DKK2: variants seen among roughly 807,000 people sequenced by gnomAD.
DKK2 encodes the protein dickkopf-related protein 2.
In DKK2, 11 loss-of-function variants were observed where a neutral mutation model predicts 28.1. That is an observed-to-expected ratio of 0.39 (90% CI 0.25 to 0.65). DKK2 has a LOEUF of 0.65. DKK2 is among the 30% of genes least tolerant of loss of function. The pLI, the probability that DKK2 is intolerant of heterozygous loss-of-function variation, is 0.47. For synonymous variants in DKK2, 135 were observed against 126.5 expected (o/e 1.07, Z -0.45); for missense variants, 326 against 335.5 (o/e 0.97, Z 0.22).
intron 1 of DKK2, among the ~76,000 whole-genome samples, chr4:107,015,017 A>C (rs529940358): frequency 1.6e-4 from 25 of 151,622 alleles, no homozygotes; most frequent in African/African-American, 5.3e-4. Flanking sequence ...TTGACATGAC[A>C]AGCAGTGGTT....
At chr4:106,950,940 C>A (rs554256953) in intron 1 of DKK2, among the ~76,000 whole-genome samples, 1 of 152,040 alleles carries the variant, frequency 6.6e-6, no homozygotes, top group Non-Finnish European at 1.5e-5. Flanking sequence ...ACCAGCCCCG[C>A]AAGTCTACCA....
intron 1 of DKK2, among the ~76,000 whole-genome samples, chr4:107,019,601 A>G (rs1723662677): frequency 6.6e-6 from 1 of 152,102 alleles, no homozygotes; most frequent in Non-Finnish European, 1.5e-5. Flanking sequence ...ATTGCTAGGA[A>G]TATACTAGAG....
Position 106,976,853 on chromosome 4 carries a change from GTA to G in DKK2, c.223-50906_223-50905del, listed in dbSNP as rs1722953211. On this transcript the variant is annotated intron_variant, in intron 1 of 3. Coordinates refer to ENST00000285311, the MANE Select transcript of DKK2 (RefSeq NM_014421.3). ...AAGGGTCGATGGTCTTTACAATTTGGTATGTTTTTGTAGTGGCTTGTACTGTT... is the reference window on the plus strand; with the variant it reads ...AAGGGTCGATGGTCTTTACAATTTGGTGTTTTTGTAGTGGCTTGTACTGTT... Among the ~76,000 whole-genome samples the G allele has an allele frequency of 4.6e-5, 7 of 152,228 alleles. No individual in the cohort carries two copies. The South Asian group carries it at 1.5e-3, about 32-fold the overall frequency.
At chr4:106,983,365 A>AAAGAAAGAAAGAAAGAAAG (rs1560585843) in intron 1 of DKK2, among the ~76,000 whole-genome samples, 4 of 139,526 alleles carry the variant, frequency 2.9e-5, no homozygotes, top group African/African-American at 8.0e-5. Flanking sequence ...AGAAAGAAAG[A>AAAGAAAGAAAGAAAGAAAG]AAGAAGAAAG....
rs1265454597 is a variant in DKK2, at chr4:106,921,856, C to G, written c.*2098G>C. ...GATTTTATCTTATTATACATTTTTC[C>G]TAAATTACAAAGTCAATAGCTGCAA... On this transcript the variant is annotated 3_prime_UTR_variant, in exon 4 of 4. Transcript: ENST00000285311. The G allele has an allele frequency of 6.6e-6, 1 of 152,312 alleles. No individual in the cohort carries two copies. The highest frequency in any genetic ancestry group is 1.5e-5 in the Non-Finnish European group (1 of 67,988). 9.4% of individuals were successfully genotyped at this position (152,312 alleles called of 1,614,324 possible). A position where few individuals can be genotyped will look rare whatever the true frequency, so the allele number is the denominator to read the frequency against.
intron 1 of DKK2, among the ~76,000 whole-genome samples, chr4:106,983,336 G>GGAAGAAA (rs1293557430): frequency 1.7e-5 from 2 of 116,220 alleles, no homozygotes; most frequent in Non-Finnish European, 3.6e-5. Context: ...AAGGAAGAAA[G>GGAAGAAA]GAAGAAAGAA....
chr4:106,935,474 G>C (rs561272876), intron 1 of DKK2, among the ~76,000 whole-genome samples: 2 of 152,346 alleles, frequency 1.3e-5, no homozygotes, highest in East Asian at 3.9e-4. Context: ...TACACCCACA[G>C]AGTCTCACTG....
chr4:106,980,183 G>C (rs1723007784), intron 1 of DKK2, among the ~76,000 whole-genome samples: 1 of 151,948 alleles, frequency 6.6e-6, no homozygotes, highest in Admixed American at 6.6e-5. Flanking sequence ...AATATGCTTT[G>C]AAACTCAGTA....
rs536211565 is a variant in DKK2 at position 107,014,719 on chromosome 4, A to T, written c.222+20651T>A. Among the ~76,000 whole-genome samples, 7 of 151,774 alleles carry T rather than the reference A, an allele frequency of 4.6e-5. No individual in the cohort carries two copies. The South Asian group carries it at 1.4e-3, about 31-fold the overall frequency. On this transcript the variant is annotated intron_variant, in intron 1 of 3. Coordinates refer to ENST00000285311, the MANE Select transcript of DKK2 (RefSeq NM_014421.3). Reference sequence around the variant, plus strand: ...CTAAATGCCCTGATTTGATCATTTTACGATGTTCACATGTATTGAAACATC... The same window carrying T: ...CTAAATGCCCTGATTTGATCATTTTTCGATGTTCACATGTATTGAAACATC...
At position 106,923,386 on chromosome 4, in the gene DKK2, T is replaced by C. The variant is rs1487241759; in HGVS notation, c.*568A>G. On this transcript the variant is annotated 3_prime_UTR_variant, in exon 4 of 4. Transcript: ENST00000285311. ...ATTTGGAAATATTGACTGATTTTTT[T>C]CTTATCTACCAAGACTCTTGATTGA... 1.3e-5 allele frequency: 2 copies of C among 152,270 alleles called. No individual in the cohort carries two copies. Among genetic ancestry groups the C allele is most frequent in the Non-Finnish European group, 2.9e-5 (2 of 68,086 alleles). The allele number at this position is 152,270 out of a possible 1,614,324, so 9.4% of individuals were successfully genotyped here.
chr4:106,923,993 G>C lies in DKK2; in HGVS notation c.741C>G (p.Tyr247Ter). The change falls in exon 4 of 4, where the codon TAC becomes TAG. Residue 247 changes from tyrosine (Y) to a stop codon, truncating the protein, a stop_gained. Coordinates refer to ENST00000285311, the MANE Select transcript of DKK2 (RefSeq NM_014421.3). LOFTEE classifies it high-confidence loss of function. ...LSCKVWKDAT[Y>*]SSKARLHVCQ... ...ACACATGGAGTCTGGCTTTGGAGGA[G>C]TAGGTGGCATCTTTCCATACTTTGC... 2 of 1,613,990 alleles carry C rather than the reference G, an allele frequency of 1.2e-6. No individual in the cohort carries two copies. Among genetic ancestry groups the C allele is most frequent in the Non-Finnish European group, 8.5e-7 (1 of 1,179,894 alleles).
At chr4:107,026,347 GA>G (rs1303692997) in intron 1 of DKK2, among the ~76,000 whole-genome samples, 1 of 151,960 alleles carries the variant, frequency 6.6e-6, no homozygotes. Flanking sequence ...TATTATTTAT[GA>G]AAAGTAAATA....
At chr4:106,963,788 A>G (rs1722728126) in intron 1 of DKK2, among the ~76,000 whole-genome samples, 1 of 152,228 alleles carries the variant, frequency 6.6e-6, no homozygotes, top group Non-Finnish European at 1.5e-5. Flanking sequence ...ATGTTCAACA[A>G]TGGATGAATT....
Position 106,958,506 on chromosome 4 carries a change from A to G in DKK2, c.223-32557T>C, listed in dbSNP as rs969931369. Among the ~76,000 whole-genome samples the G allele has an allele frequency of 2.6e-5, 4 of 152,076 alleles. No homozygotes were observed. In the East Asian group the frequency reaches 5.8e-4, roughly 22 times the overall value. ...AAGTCTAAATTTATGGGGGCATGCC[A>G]AGCAGTATTTTTGAAGGATATAGTT... On this transcript the variant is annotated intron_variant, in intron 1 of 3. Coordinates refer to ENST00000285311, the MANE Select transcript of DKK2 (RefSeq NM_014421.3).
intron 1 of DKK2, among the ~76,000 whole-genome samples, chr4:106,990,765 G>A (rs114874637): frequency 0.023 from 3,568 of 152,130 alleles, 49 homozygotes; most frequent in Middle Eastern, 0.037. Flanking sequence ...AGCAGCTGAT[G>A]CATTTCCTCC....
chr4:107,011,954 C>T (rs925347802), intron 1 of DKK2, among the ~76,000 whole-genome samples: 7 of 151,288 alleles, frequency 4.6e-5, no homozygotes, highest in African/African-American at 9.7e-5. Flanking sequence ...TGGCATAGGA[C>T]AATTTTTTAT....
chr4:107,007,602 C>T (rs1042107139), intron 1 of DKK2, among the ~76,000 whole-genome samples: 7 of 152,080 alleles, frequency 4.6e-5, no homozygotes, highest in Non-Finnish European at 1.0e-4. Context: ...AATGCCTGTC[C>T]TTGAACATGC....
intron 1 of DKK2, among the ~76,000 whole-genome samples, chr4:107,018,368 G>A (rs1317969171): frequency 6.6e-6 from 1 of 152,056 alleles, no homozygotes; most frequent in African/African-American, 2.4e-5. Context: ...TTTCTTTGCT[G>A]AAGATGGGTT....
chr4:106,987,180 T>C (rs1046198193), intron 1 of DKK2, among the ~76,000 whole-genome samples: 1 of 152,244 alleles, frequency 6.6e-6, no homozygotes, highest in South Asian at 2.1e-4. Context: ...CATATTCATA[T>C]ACATATATGT....
Sources: allele counts gnomAD v4.1 joint callset (sites outside exome capture counted in the v4.1 genomes callset), GRCh38; gene constraint gnomAD v4.1.1; transcripts MANE v1.5; gene names NCBI Gene and HGNC (gene_info 2026-07-23, HGNC 2026-07-21).